The following CEP128 variants were observed in gnomAD, a reference collection of about 807,000 sequenced individuals.
CEP128 encodes the protein centrosomal protein 128.
Under a neutral mutation model 156.7 loss-of-function variants are expected in CEP128, and 132 were observed. The ratio of observed to expected loss-of-function variants is 0.84; its 90% CI spans 0.73 to 0.97. CEP128 has a LOEUF of 0.97. Among genes scored for constraint, CEP128 ranks in the 50% least tolerant of loss-of-function variants. The probability of loss-of-function intolerance (pLI) is 0.00; values close to 1 mark genes in which losing one functional copy is unlikely to be tolerated. For missense variants in CEP128, 1,252 were observed against 1,281.9 expected (o/e 0.98, Z 0.36); for synonymous variants, 469 against 448.9 (o/e 1.04, Z -0.57).
chr14:80,900,672 A>G lies in CEP128; in HGVS notation c.481-643T>C, dbSNP rs115299105. ...TGGTGGTATATTCCTCCACCGGAGT[A>G]TGATATAGCAGTGAAAACAAAACAA... On this transcript the variant is annotated intron_variant, in intron 6 of 24. Transcript: ENST00000555265. 3.7e-3 allele frequency among the ~76,000 whole-genome samples: 560 copies of G among 152,320 alleles called. 3 individuals are homozygous for G. Among genetic ancestry groups the G allele is most frequent in the African/African-American group, 0.013 (521 of 41,554 alleles).
chr14:80,871,600 G>A (rs1888031424), intron 8 of CEP128, among the ~76,000 whole-genome samples: 1 of 152,040 alleles, frequency 6.6e-6, no homozygotes, highest in Non-Finnish European at 1.5e-5. Flanking sequence ...GCTTTTGAGT[G>A]ATGACATAAT....
intron 17 of CEP128, among the ~76,000 whole-genome samples, chr14:80,760,633 CTGTAA>C (rs917884366): frequency 6.6e-6 from 1 of 152,030 alleles, no homozygotes; most frequent in African/African-American, 2.4e-5. Flanking sequence ...TGATGCTAAA[CTGTAA>C]TGTATTATGG....
chr14:80,905,063 A>C, intron 5 of CEP128, 132 bp from the exon 6 acceptor site: 1 of 594,454 alleles, frequency 1.7e-6, no homozygotes, highest in South Asian at 2.4e-5. Flanking sequence ...CTATTTCCCA[A>C]GTATCTTGCT....
chr14:80,900,831 T>C (rs565115952), intron 6 of CEP128, among the ~76,000 whole-genome samples: 79 of 152,272 alleles, frequency 5.2e-4, no homozygotes, highest in African/African-American at 1.9e-3. Context: ...GTAAAAAAAT[T>C]GTTTTTTAAA....
At chr14:80,675,936 C>T (rs1414257970) in intron 19 of CEP128, among the ~76,000 whole-genome samples, 1 of 152,060 alleles carries the variant, frequency 6.6e-6, no homozygotes, top group Non-Finnish European at 1.5e-5. Flanking sequence ...GAACCAATGC[C>T]ACACTAGTCT....
chr14:80,579,385 T>A (rs1891494135), intron 20 of CEP128, among the ~76,000 whole-genome samples: 1 of 152,108 alleles, frequency 6.6e-6, no homozygotes, highest in Non-Finnish European at 1.5e-5. Flanking sequence ...ATCTAATCTG[T>A]ACAAAACTGA....
At chr14:80,643,435 C>T (rs2140803944) in intron 19 of CEP128, among the ~76,000 whole-genome samples, 1 of 152,112 alleles carries the variant, frequency 6.6e-6, no homozygotes, top group East Asian at 1.9e-4. Context: ...ATTGTGGTGG[C>T]TGGCCGGGTG....
At chr14:80,820,429 G>A (rs566805556) in intron 13 of CEP128, among the ~76,000 whole-genome samples, 13 of 152,308 alleles carry the variant, frequency 8.5e-5, no homozygotes, top group African/African-American at 3.1e-4. Context: ...CCAAAGCTAT[G>A]TTACAATGCT....
chr14:80,499,314 C>G (rs970183769), intron 24 of CEP128, among the ~76,000 whole-genome samples: 3 of 152,130 alleles, frequency 2.0e-5, no homozygotes, highest in African/African-American at 7.2e-5. Flanking sequence ...TTTCACCCCA[C>G]GGACTTAAAC....
intron 15 of CEP128, among the ~76,000 whole-genome samples, chr14:80,781,631 CG>C (rs138261229): frequency 0.032 from 4,870 of 151,542 alleles, 241 homozygotes; most frequent in African/African-American, 0.11. Flanking sequence ...AGAGAGTATC[CG>C]GGGGGCTAAA....
At chr14:80,566,518 A>G (rs1436438111) in intron 20 of CEP128, among the ~76,000 whole-genome samples, 4 of 152,220 alleles carry the variant, frequency 2.6e-5, no homozygotes, top group African/African-American at 9.6e-5. Context: ...TTCAAACAAA[A>G]TCAAGACAAA....
chr14:80,901,659 G>C (rs1883567568), intron 6 of CEP128, among the ~76,000 whole-genome samples: 1 of 152,142 alleles, frequency 6.6e-6, no homozygotes, highest in Admixed American at 6.6e-5. Context: ...AGAATCCGGG[G>C]ATGCATCCTT....
intron 2 of CEP128, among the ~76,000 whole-genome samples, chr14:80,951,822 G>A (rs991290700): frequency 2.0e-5 from 3 of 151,890 alleles, no homozygotes; most frequent in African/African-American, 4.8e-5. Context: ...CCATGATAAC[G>A]CTGATCAAAA....
chr14:80,705,433 G>A (rs905874761), intron 19 of CEP128, among the ~76,000 whole-genome samples: 2 of 152,122 alleles, frequency 1.3e-5, no homozygotes, highest in Non-Finnish European at 2.9e-5. Context: ...AGTTTTGTGT[G>A]TATAGGTGAG....
chr14:80,634,155 T>C (rs1894083696), intron 19 of CEP128, among the ~76,000 whole-genome samples: 1 of 152,220 alleles, frequency 6.6e-6, no homozygotes, highest in Non-Finnish European at 1.5e-5. Context: ...GATTTAAGTT[T>C]AGGCAAGTCA....
chr14:80,709,090 AAAT>A (rs1455843555), intron 19 of CEP128, among the ~76,000 whole-genome samples: 2 of 151,044 alleles, frequency 1.3e-5, no homozygotes, highest in Non-Finnish European at 2.9e-5. Flanking sequence ...TAAATAAATA[AAAT>A]AATAAAATAA....
chr14:80,674,057 G>T (rs1447339802), intron 19 of CEP128, among the ~76,000 whole-genome samples: 1 of 146,152 alleles, frequency 6.8e-6, no homozygotes. Context: ...AGAGTTTCTT[G>T]CATAATAATT....
At chr14:80,858,418 C>T (rs1284796606) in intron 9 of CEP128, among the ~76,000 whole-genome samples, 368 of 119,250 alleles carry the variant, frequency 3.1e-3, no homozygotes, top group Middle Eastern at 7.6e-3. Flanking sequence ...AAGACTTAAA[C>T]GTTAGACCTA....
Position 80,836,251 on chromosome 14 carries a change from C to T in CEP128, c.1011G>A (p.Gln337=), listed in dbSNP as rs773070432. The T allele has an allele frequency of 3.1e-6, 5 of 1,613,922 alleles. No individual in the cohort carries two copies. The highest frequency in any genetic ancestry group is 2.2e-5 in the East Asian group (1 of 44,884). ...QHQVSQISKQ[Q]SNYQDEQGED... ...CCCCTTGTTCATCCTGATAGTTTGA[C>T]TGTTGCTTGGAAATCTGAGATACTT... is the stretch of plus-strand genomic sequence containing the variant. Residue 337 remains glutamine (Q), a synonymous_variant, in exon 12 of 25, where the codon CAG becomes CAA. Transcript: ENST00000555265.
Sources: allele counts gnomAD v4.1 joint callset (sites outside exome capture counted in the v4.1 genomes callset), GRCh38; gene constraint gnomAD v4.1.1; transcripts MANE v1.5; gene names NCBI Gene and HGNC (gene_info 2026-07-23, HGNC 2026-07-21).